EPHA6: variants seen among roughly 807,000 people sequenced by gnomAD.
EPHA6 encodes the protein ephrin type-A receptor 6.
A neutral mutation model predicts 112.0 loss-of-function variants in EPHA6; 50 were observed. The ratio of observed to expected loss-of-function variants is 0.45; its 90% CI spans 0.36 to 0.56. The LOEUF is 0.56. Among genes scored for constraint, EPHA6 ranks in the 20% least tolerant of loss-of-function variants. The probability of loss-of-function intolerance (pLI) is 0.00; values close to 1 mark genes in which losing one functional copy is unlikely to be tolerated. For missense variants in EPHA6, 1,280 were observed against 1,417.4 expected (o/e 0.90, Z 1.56); for synonymous variants, 529 against 490.7 (o/e 1.08, Z -1.03).
In EPHA6 at chr3:97,505,080, T is replaced by C. The variant is rs192400164; in HGVS notation, c.2200+21021T>C. On this transcript the variant is annotated intron_variant, in intron 10 of 17. Coordinates refer to ENST00000389672, the MANE Select transcript of EPHA6 (RefSeq NM_001080448.3). ...AAGTTCAATTCAGTCTGAATGGCAGTGTCCTCATAGGTGTGTCCACCAAGT... is the reference window on the plus strand; with the variant it reads ...AAGTTCAATTCAGTCTGAATGGCAGCGTCCTCATAGGTGTGTCCACCAAGT... Among the ~76,000 whole-genome samples the C allele has an allele frequency of 6.5e-3, 997 of 152,312 alleles. 12 individuals are homozygous for C. The highest frequency in any genetic ancestry group is 0.022 in the African/African-American group (917 of 41,572).
intron 2 of EPHA6, among the ~76,000 whole-genome samples, chr3:96,938,000 G>T (rs998339982): frequency 6.6e-5 from 10 of 152,116 alleles, no homozygotes; most frequent in Non-Finnish European, 1.5e-4. Flanking sequence ...ATGCTGTTTT[G>T]GTTACTGTAG....
rs552640632 is a variant in EPHA6, at chr3:97,759,817, T to C, written c.*11116T>C. Reference sequence around the variant, plus strand: ...TAGTTGGATAGTAGGAAAGTGAATATATATTTGATGAAATATTTTAAAGGC... The same window carrying C: ...TAGTTGGATAGTAGGAAAGTGAATACATATTTGATGAAATATTTTAAAGGC... On this transcript the variant is annotated 3_prime_UTR_variant, in exon 18 of 18. Coordinates refer to ENST00000389672, the MANE Select transcript of EPHA6 (RefSeq NM_001080448.3). The C allele has an allele frequency of 1.8e-5, 4 of 218,694 alleles. No homozygotes were observed. The highest frequency in any genetic ancestry group is 1.8e-4 in the South Asian group (1 of 5,408). 13.5% of individuals were successfully genotyped at this position (218,694 alleles called of 1,614,324 possible). A position where few individuals can be genotyped will look rare whatever the true frequency, so the allele number is the denominator to read the frequency against.
chr3:96,845,828 C>G (rs1340310370), intron 1 of EPHA6, among the ~76,000 whole-genome samples: 2 of 151,706 alleles, frequency 1.3e-5, no homozygotes, highest in African/African-American at 2.4e-5. Flanking sequence ...ATTATAGGTC[C>G]GGGATATATT....
intron 14 of EPHA6, among the ~76,000 whole-genome samples, chr3:97,715,519 A>T (rs568053310): frequency 6.6e-6 from 1 of 152,338 alleles, no homozygotes; most frequent in South Asian, 2.1e-4. Flanking sequence ...ATTACTGTCT[A>T]TTCAAACCGT....
At position 97,007,028 on chromosome 3, in the gene EPHA6, T is replaced by C. The variant is rs909675513; in HGVS notation, c.1114+19035T>C. On this transcript the variant is annotated intron_variant, in intron 3 of 17. Coordinates refer to ENST00000389672, the MANE Select transcript of EPHA6 (RefSeq NM_001080448.3). ...GAGGAGTGTTTTACTTCCAATTATG[T>C]GGTCGATTTTAGAATAAGTGCCATG... Among the ~76,000 whole-genome samples the C allele has an allele frequency of 3.9e-5, 6 of 152,182 alleles. No homozygotes were observed. The South Asian group carries it at 1.2e-3, about 32-fold the overall frequency.
chr3:97,281,895 T>G (rs960108278), intron 5 of EPHA6, among the ~76,000 whole-genome samples: 4 of 152,162 alleles, frequency 2.6e-5, no homozygotes, highest in Non-Finnish European at 5.9e-5. Flanking sequence ...TTAATCCTTT[T>G]CAATAATTTA....
At chr3:97,134,282 G>A (rs916217051) in intron 3 of EPHA6, among the ~76,000 whole-genome samples, 2 of 151,968 alleles carry the variant, frequency 1.3e-5, no homozygotes, top group African/African-American at 2.4e-5. Flanking sequence ...TAGTATAATT[G>A]TTTTTGAAAC....
At chr3:97,019,928 C>T (rs777088938) in intron 3 of EPHA6, among the ~76,000 whole-genome samples, 2 of 152,052 alleles carry the variant, frequency 1.3e-5, no homozygotes, top group Non-Finnish European at 2.9e-5. Flanking sequence ...TTTCATTTCT[C>T]CTTGTATTCA....
At chr3:97,297,868 A>G (rs1576874905) in intron 5 of EPHA6, among the ~76,000 whole-genome samples, 1 of 152,068 alleles carries the variant, frequency 6.6e-6, no homozygotes, top group African/African-American at 2.4e-5. Flanking sequence ...AGTTCAAGTG[A>G]TTCTCCTGCT....
intron 3 of EPHA6, among the ~76,000 whole-genome samples, chr3:97,090,040 TTTAA>T (rs1222067090): frequency 2.0e-5 from 3 of 152,066 alleles, no homozygotes; most frequent in Admixed American, 6.6e-5. Context: ...TGTAATTATA[TTTAA>T]TTATTATAAT....
intron 1 of EPHA6, among the ~76,000 whole-genome samples, chr3:96,816,118 T>C (rs1284096297): frequency 6.6e-6 from 1 of 152,178 alleles, no homozygotes; most frequent in Non-Finnish European, 1.5e-5. Flanking sequence ...AGGGAGAAGA[T>C]AAACAACACA....
chr3:97,292,640 T>C (rs1451505644), intron 5 of EPHA6, among the ~76,000 whole-genome samples: 1 of 152,176 alleles, frequency 6.6e-6, no homozygotes, highest in East Asian at 1.9e-4. Context: ...AGGAGACCTG[T>C]GGTGGGTAGC....
intron 14 of EPHA6, among the ~76,000 whole-genome samples, chr3:97,698,439 C>T (rs1372001164): frequency 6.6e-6 from 1 of 150,944 alleles, no homozygotes; most frequent in African/African-American, 2.4e-5. Flanking sequence ...CCGTATTTTG[C>T]CAACTACAAA....
At chr3:97,327,380 A>G (rs2082485168) in intron 5 of EPHA6, among the ~76,000 whole-genome samples, 1 of 152,050 alleles carries the variant, frequency 6.6e-6, no homozygotes, top group Non-Finnish European at 1.5e-5. Context: ...CAATAGTAAC[A>G]TCTTGCAAAA....
At chr3:97,550,796 T>C (rs564783292) in intron 11 of EPHA6, among the ~76,000 whole-genome samples, 27 of 152,216 alleles carry the variant, frequency 1.8e-4, no homozygotes, top group African/African-American at 6.0e-4. Flanking sequence ...TTATTTATCT[T>C]GGTCCCTACC....
intron 11 of EPHA6, among the ~76,000 whole-genome samples, chr3:97,564,041 T>C (rs940589837): frequency 6.6e-6 from 1 of 152,062 alleles, no homozygotes; most frequent in Non-Finnish European, 1.5e-5. Flanking sequence ...TCTCACATAG[T>C]GAAATGTTGA....
chr3:97,354,845 G>T (rs893313534), intron 5 of EPHA6, among the ~76,000 whole-genome samples: 2 of 152,132 alleles, frequency 1.3e-5, no homozygotes, highest in Non-Finnish European at 2.9e-5. Context: ...ATAAAGAACA[G>T]ATTCTAAAAG....
At chr3:97,708,187 C>T (rs571092572) in intron 14 of EPHA6, among the ~76,000 whole-genome samples, 3 of 152,136 alleles carry the variant, frequency 2.0e-5, no homozygotes, top group Non-Finnish European at 2.9e-5. Context: ...ATGGTTTTGA[C>T]CAAAATGCTG....
At chr3:97,628,141 T>G (rs974718926) in intron 13 of EPHA6, among the ~76,000 whole-genome samples, 1 of 151,958 alleles carries the variant, frequency 6.6e-6, no homozygotes, top group Non-Finnish European at 1.5e-5. Context: ...GCAGGGAAAT[T>G]AGGAGGCTTT....
Sources: gnomAD v4.1 joint callset for allele counts (sites outside exome capture counted in the v4.1 genomes callset) on GRCh38, gnomAD v4.1.1 for gene constraint, MANE v1.5 for transcripts, NCBI Gene and HGNC (gene_info 2026-07-23, HGNC 2026-07-21) for gene names.